Variants in RSBN1L observed in about 807,000 individuals in gnomAD.
RSBN1L encodes the protein lysine-specific demethylase RSBN1L.
In RSBN1L, 30 loss-of-function variants were observed where a neutral mutation model predicts 67.7. The ratio of observed to expected loss-of-function variants is 0.44; its 90% CI spans 0.33 to 0.60. The LOEUF (loss-of-function observed/expected upper bound fraction) is 0.60. RSBN1L is among the 20% of genes least tolerant of loss of function. The probability of loss-of-function intolerance (pLI) is 0.02; values close to 1 mark genes in which losing one functional copy is unlikely to be tolerated. For synonymous variants in RSBN1L, 433 were observed against 387.0 expected (o/e 1.12, Z -1.39); for missense variants, 992 against 1,031.7 (o/e 0.96, Z 0.53).
At chr7:77,712,266 A>C (rs1222403067) in intron 1 of RSBN1L, among the ~76,000 whole-genome samples, 1 of 151,990 alleles carries the variant, frequency 6.6e-6, no homozygotes, top group African/African-American at 2.4e-5. Flanking sequence ...TATGTGTACA[A>C]ATCTTATATA....
At chr7:77,714,658 C>G (rs760121237) in intron 1 of RSBN1L, among the ~76,000 whole-genome samples, 17 of 151,990 alleles carry the variant, frequency 1.1e-4, no homozygotes, top group Non-Finnish European at 2.1e-4. Context: ...CCTAAACATT[C>G]ACATAGAAAT....
chr7:77,704,646 AT>A (rs1013344003), intron 1 of RSBN1L, among the ~76,000 whole-genome samples: 5 of 151,444 alleles, frequency 3.3e-5, no homozygotes, highest in Non-Finnish European at 7.4e-5. Flanking sequence ...ATTAGAGCTG[AT>A]TTTTTTTTCC....
At chr7:77,746,167 A>G (rs772389227) in intron 2 of RSBN1L, among the ~76,000 whole-genome samples, 3 of 152,206 alleles carry the variant, frequency 2.0e-5, no homozygotes, top group Non-Finnish European at 1.5e-5. Flanking sequence ...TCTATAAAGA[A>G]GTACCCGAGA....
At chr7:77,734,003 T>A (rs775243999) in intron 1 of RSBN1L, among the ~76,000 whole-genome samples, 4 of 152,200 alleles carry the variant, frequency 2.6e-5, no homozygotes, top group Non-Finnish European at 2.9e-5. Context: ...GGCGTGTGCC[T>A]GTAATCCCAT....
At chr7:77,704,094 C>G (rs1790857277) in intron 1 of RSBN1L, among the ~76,000 whole-genome samples, 1 of 152,330 alleles carries the variant, frequency 6.6e-6, no homozygotes. Context: ...AGTTCCTGAC[C>G]TTTCTTTCAT....
chr7:77,778,204 A>G, intron 6 of RSBN1L, 134 bp from the exon 7 acceptor site: 2 of 558,712 alleles, frequency 3.6e-6, no homozygotes, highest in South Asian at 6.4e-5. Context: ...ATGGCTTTCC[A>G]ATTAACAGTT....
chr7:77,725,809 G>C (rs1791195403), intron 1 of RSBN1L, among the ~76,000 whole-genome samples: 1 of 149,788 alleles, frequency 6.7e-6, no homozygotes, highest in Admixed American at 6.6e-5. Flanking sequence ...AGGTTGGTCT[G>C]GAACTCCTGA....
rs1243630456 is a variant in RSBN1L, at chr7:77,779,795, A to G, written c.*627A>G. Reference sequence around the variant, plus strand: ...CGTAATTCAAATCTAGTAAATATTTAAGTTCCTCACACTGTGCAGGCTTTT... The same window carrying G: ...CGTAATTCAAATCTAGTAAATATTTGAGTTCCTCACACTGTGCAGGCTTTT... On this transcript the variant is annotated 3_prime_UTR_variant, in exon 8 of 8. Transcript: ENST00000334955. 1.3e-5 allele frequency: 2 copies of G among 150,552 alleles called. No homozygotes were observed. The highest frequency in any genetic ancestry group is 4.9e-5 in the African/African-American group (2 of 40,996). 9.3% of individuals were successfully genotyped at this position (150,552 alleles called of 1,614,324 possible). A position where few individuals can be genotyped will look rare whatever the true frequency, so the allele number is the denominator to read the frequency against.
At chr7:77,714,305 C>G (rs981265433) in intron 1 of RSBN1L, among the ~76,000 whole-genome samples, 1 of 152,130 alleles carries the variant, frequency 6.6e-6, no homozygotes, top group Non-Finnish European at 1.5e-5. Flanking sequence ...TTGATAGCCA[C>G]CAGTAGAGTA....
intron 6 of RSBN1L, among the ~76,000 whole-genome samples, chr7:77,775,326 G>A (rs920764855): frequency 6.6e-6 from 1 of 152,102 alleles, no homozygotes; most frequent in African/African-American, 2.4e-5. Flanking sequence ...CTTGAAGTTA[G>A]GAGTTCAAGA....
At chr7:77,723,555 A>T (rs1039872648) in intron 1 of RSBN1L, among the ~76,000 whole-genome samples, 1 of 151,974 alleles carries the variant, frequency 6.6e-6, no homozygotes, top group Non-Finnish European at 1.5e-5. Flanking sequence ...TGCAGCCGTG[A>T]CCTGCTGGGT....
Position 77,779,263 on chromosome 7 carries a change from C to A in RSBN1L, c.*95C>A. Reference sequence around the variant, plus strand: ...GCAAGCCAAGGACTTGCTCCTATGTCTGTTACAAAACATAGTTTATGTAGC... The same window carrying A: ...GCAAGCCAAGGACTTGCTCCTATGTATGTTACAAAACATAGTTTATGTAGC... On this transcript the variant is annotated 3_prime_UTR_variant, in exon 8 of 8. Coordinates refer to ENST00000334955, the MANE Select transcript of RSBN1L (RefSeq NM_198467.3). The A allele has an allele frequency of 2.4e-6, 2 of 846,886 alleles. No individual in the cohort carries two copies. Among genetic ancestry groups the A allele is most frequent in the Non-Finnish European group, 1.8e-6 (1 of 549,970 alleles). 52.5% of individuals were successfully genotyped at this position (846,886 alleles called of 1,614,324 possible).
At chr7:77,716,077 C>A (rs1251130294) in intron 1 of RSBN1L, among the ~76,000 whole-genome samples, 1 of 152,152 alleles carries the variant, frequency 6.6e-6, no homozygotes, top group East Asian at 1.9e-4. Context: ...TTTTTCATAG[C>A]AGAAATTTAT....
chr7:77,778,226 G>C (rs1370268796), intron 6 of RSBN1L, 112 bp from the exon 7 acceptor site: 1 of 642,750 alleles, frequency 1.6e-6, no homozygotes, highest in Admixed American at 3.3e-5. Context: ...AACTTTATTT[G>C]TAAGACAGTA....
intron 3 of RSBN1L, among the ~76,000 whole-genome samples, chr7:77,751,799 C>T (rs903371608): frequency 6.6e-6 from 1 of 152,202 alleles, no homozygotes; most frequent in African/African-American, 2.4e-5. Context: ...AGTGCCTTAT[C>T]ACCTTATCAT....
intron 3 of RSBN1L, chr7:77,759,785 A>G (rs1382760916): frequency 1.3e-5 from 2 of 152,246 alleles, no homozygotes; most frequent in Non-Finnish European, 2.9e-5. Context: ...TAGGTATACT[A>G]AAACAAGTAC....
intron 5 of RSBN1L, among the ~76,000 whole-genome samples, chr7:77,772,125 C>A (rs375540113): frequency 6.6e-6 from 1 of 152,084 alleles, no homozygotes; most frequent in Non-Finnish European, 1.5e-5. Flanking sequence ...GGAAGCAACA[C>A]CATCTGGCAT....
Position 77,696,882 on chromosome 7 carries a change from A to C in RSBN1L, c.413A>C (p.Gln138Pro). ...LLVPPTLLHAQPHHLLLPAAA... is the reference protein window; with the variant it reads ...LLVPPTLLHAPPHHLLLPAAA... Reference sequence around the variant, plus strand: ...GTCCCTCCTACGCTGCTGCACGCTCAGCCTCACCATCTCCTCCTGCCCGCC... The same window carrying C: ...GTCCCTCCTACGCTGCTGCACGCTCCGCCTCACCATCTCCTCCTGCCCGCC... The change falls in exon 1 of 8, where the codon CAG (glutamine) becomes CCG (proline). Residue 138 changes from glutamine to proline, a missense_variant. Coordinates refer to ENST00000334955, the MANE Select transcript of RSBN1L (RefSeq NM_198467.3). The C allele has an allele frequency of 6.2e-7, 1 of 1,609,518 alleles. No homozygotes were observed. Among genetic ancestry groups the C allele is most frequent in the East Asian group, 2.2e-5 (1 of 44,862 alleles).
At chr7:77,773,790 T>C (rs1045316508) in intron 6 of RSBN1L, among the ~76,000 whole-genome samples, 2 of 152,126 alleles carry the variant, frequency 1.3e-5, no homozygotes, top group South Asian at 4.1e-4. Flanking sequence ...AATAAATTGC[T>C]AAAATCTAGG....
Sources: allele counts gnomAD v4.1 joint callset (sites outside exome capture counted in the v4.1 genomes callset), GRCh38; gene constraint gnomAD v4.1.1; transcripts MANE v1.5; gene names NCBI Gene and HGNC (gene_info 2026-07-23, HGNC 2026-07-21).